The following EVI5 variants were observed in gnomAD, a reference collection of about 807,000 sequenced individuals.
The protein encoded by EVI5 is ecotropic viral integration site 5 protein homolog.
EVI5 carries 73 observed loss-of-function variants against 112.0 expected under a neutral mutation model. The ratio of observed to expected loss-of-function variants is 0.65; its 90% CI spans 0.54 to 0.79. The LOEUF is 0.79. Ranked by LOEUF, EVI5 falls within the 30% of genes least tolerant of loss-of-function variation. EVI5 has a pLI of 0.00. For synonymous variants in EVI5, 305 were observed against 319.9 expected, an observed-to-expected ratio of 0.95 and a Z score of 0.50; for missense variants, 900 against 968.8, an observed-to-expected ratio of 0.93 and a Z score of 0.94.
chr1:92,523,626 T>C (rs1661333487), intron 19 of EVI5, among the ~76,000 whole-genome samples: 1 of 152,176 alleles, frequency 6.6e-6, no homozygotes, highest in Non-Finnish European at 1.5e-5. Flanking sequence ...TTTGCTATCT[T>C]CCAAATAACA....
At chr1:92,521,889 T>C (rs1660995659) in intron 19 of EVI5, among the ~76,000 whole-genome samples, 2 of 152,292 alleles carry the variant, frequency 1.3e-5, no homozygotes, top group Admixed American at 6.5e-5. Flanking sequence ...ATACCTCAAC[T>C]AAAGGCACCT....
At chr1:92,688,935 A>G (rs1669023143) in intron 9 of EVI5, among the ~76,000 whole-genome samples, 1 of 152,212 alleles carries the variant, frequency 6.6e-6, no homozygotes. Context: ...GTAGAAATGG[A>G]CAAGACTTAT....
At chr1:92,742,615 G>A (rs991827405) in intron 1 of EVI5, among the ~76,000 whole-genome samples, 1 of 151,958 alleles carries the variant, frequency 6.6e-6, no homozygotes, top group Non-Finnish European at 1.5e-5. Flanking sequence ...GGAGGTTGCA[G>A]TGAGCCGAGA....
intron 10 of EVI5, among the ~76,000 whole-genome samples, chr1:92,675,684 C>T (rs1033460277): frequency 5.9e-5 from 9 of 151,958 alleles, no homozygotes; most frequent in Non-Finnish European, 8.8e-5. Flanking sequence ...GGGCTGGACG[C>T]GGTGGCTCAC....
At chr1:92,690,927 G>T (rs1016069390) in intron 9 of EVI5, among the ~76,000 whole-genome samples, 8 of 152,120 alleles carry the variant, frequency 5.3e-5, no homozygotes, top group African/African-American at 1.9e-4. Flanking sequence ...CACTTAATTA[G>T]ATTAAGTCTT....
At chr1:92,740,386 A>G (rs1001678919) in intron 1 of EVI5, among the ~76,000 whole-genome samples, 2 of 152,100 alleles carry the variant, frequency 1.3e-5, no homozygotes, top group Non-Finnish European at 2.9e-5. Flanking sequence ...AGCTTCTCCA[A>G]AGTACCTGCT....
At chr1:92,574,206 A>G (rs1670703543) in intron 18 of EVI5, among the ~76,000 whole-genome samples, 2 of 152,158 alleles carry the variant, frequency 1.3e-5, no homozygotes, top group Non-Finnish European at 2.9e-5. Flanking sequence ...AGAAAGGATG[A>G]AGACAAGATG....
intron 6 of EVI5, 121 bp downstream of exon 6, chr1:92,697,739 A>T: frequency 1.2e-6 from 1 of 802,918 alleles, no homozygotes; most frequent in Non-Finnish European, 2.0e-6. Flanking sequence ...TCATGTAATT[A>T]AAACACTTAC....
chr1:92,779,896 T>C (rs1238713214), intron 1 of EVI5, among the ~76,000 whole-genome samples: 2 of 152,176 alleles, frequency 1.3e-5, no homozygotes, highest in South Asian at 2.1e-4. Context: ...TTAAAGTTTA[T>C]GTAAGGTACA....
At chr1:92,564,516 G>A (rs1014358866) in intron 18 of EVI5, among the ~76,000 whole-genome samples, 2 of 152,056 alleles carry the variant, frequency 1.3e-5, no homozygotes, top group Admixed American at 6.6e-5. Flanking sequence ...ATTAGCTCTC[G>A]ATGTGGACTG....
chr1:92,709,827 G>A (rs1483938422), intron 2 of EVI5, among the ~76,000 whole-genome samples: 1 of 151,970 alleles, frequency 6.6e-6, no homozygotes, highest in African/African-American at 2.4e-5. Flanking sequence ...TAAACGTGAT[G>A]AGGAACAACT....
chr1:92,679,273 C>T (rs1229032883), intron 9 of EVI5, among the ~76,000 whole-genome samples: 10 of 152,112 alleles, frequency 6.6e-5, no homozygotes, highest in Admixed American at 2.0e-4. Flanking sequence ...TGGTCTTCCA[C>T]GAAAGCGGTC....
chr1:92,540,706 T>C (rs1484478487), intron 19 of EVI5, among the ~76,000 whole-genome samples: 1 of 152,182 alleles, frequency 6.6e-6, no homozygotes, highest in Non-Finnish European at 1.5e-5. Flanking sequence ...TATTTTCTTC[T>C]CTGCTGCTTG....
At chr1:92,687,233 C>T (rs1360916219) in intron 9 of EVI5, among the ~76,000 whole-genome samples, 6 of 152,228 alleles carry the variant, frequency 3.9e-5, no homozygotes, top group East Asian at 3.9e-4. Flanking sequence ...AGAAATAACA[C>T]CACACATCTA....
chr1:92,708,348 C>T (rs1232127215), intron 2 of EVI5, among the ~76,000 whole-genome samples: 3 of 151,866 alleles, frequency 2.0e-5, no homozygotes, highest in African/African-American at 4.8e-5. Flanking sequence ...CCAAAGAAAA[C>T]GGCCAATAAA....
chr1:92,563,918 A>T (rs1378633725), intron 18 of EVI5, among the ~76,000 whole-genome samples, 181 bp from the exon 19 acceptor site: 13 of 152,140 alleles, frequency 8.5e-5, no homozygotes, highest in Admixed American at 1.3e-4. Context: ...TTAATTAATT[A>T]ATTAATTTAT....
At chr1:92,566,773 T>C (rs1429534128) in intron 18 of EVI5, among the ~76,000 whole-genome samples, 5 of 150,786 alleles carry the variant, frequency 3.3e-5, no homozygotes, top group Admixed American at 3.3e-4. Context: ...ATCTTGACCC[T>C]ATGTAAGCAG....
intron 14 of EVI5, among the ~76,000 whole-genome samples, chr1:92,634,677 C>G (rs139126446): frequency 6.6e-6 from 1 of 152,184 alleles, no homozygotes; most frequent in Admixed American, 6.5e-5. Context: ...CTTCTCTCAA[C>G]TCGTCAAAGT....
intron 1 of EVI5, among the ~76,000 whole-genome samples, chr1:92,759,507 T>G (rs1681475479): frequency 6.6e-6 from 1 of 152,254 alleles, no homozygotes; most frequent in Non-Finnish European, 1.5e-5. Context: ...CCATTCTCAT[T>G]ATTTTTAAAT....
Sources: allele counts gnomAD v4.1 joint callset (sites outside exome capture counted in the v4.1 genomes callset), GRCh38; gene constraint gnomAD v4.1.1; transcripts MANE v1.5; gene names NCBI Gene and HGNC (gene_info 2026-07-23, HGNC 2026-07-21).